EDNRA: variants seen among roughly 807,000 people sequenced by gnomAD.
The protein encoded by EDNRA is endothelin-1 receptor.
A neutral mutation model predicts 41.4 loss-of-function variants in EDNRA; 11 were observed. That is an observed-to-expected ratio of 0.27 (90% CI 0.17 to 0.44). The LOEUF (loss-of-function observed/expected upper bound fraction) is 0.44, where lower values mean the gene tolerates loss of function less well. Ranked by LOEUF, EDNRA falls within the 20% of genes least tolerant of loss-of-function variation. The pLI is 1.00. For missense variants in EDNRA, 294 were observed against 531.0 expected (o/e 0.55, Z 4.39); for synonymous variants, 172 against 183.0 (o/e 0.94, Z 0.49).
intron 3 of EDNRA, among the ~76,000 whole-genome samples, chr4:147,528,538 G>A (rs1485679702): frequency 6.6e-6 from 1 of 151,820 alleles, no homozygotes; most frequent in Non-Finnish European, 1.5e-5. Flanking sequence ...TTTTTGTAGA[G>A]ATGGAATTTC....
chr4:147,500,515 C>T (rs919935546), intron 2 of EDNRA, among the ~76,000 whole-genome samples: 2 of 152,064 alleles, frequency 1.3e-5, no homozygotes, highest in Admixed American at 6.6e-5. Context: ...CCCATAAGTT[C>T]GAGACTAGCC....
chr4:147,522,063 A>G (rs1445472169), intron 3 of EDNRA, among the ~76,000 whole-genome samples: 1 of 152,234 alleles, frequency 6.6e-6, no homozygotes, highest in Non-Finnish European at 1.5e-5. Flanking sequence ...TATTAATAAT[A>G]TAGGCTGAAA....
At chr4:147,498,756 GA>G (rs1157915699) in intron 2 of EDNRA, among the ~76,000 whole-genome samples, 1 of 152,102 alleles carries the variant, frequency 6.6e-6, no homozygotes, top group African/African-American at 2.4e-5. Context: ...TCAGAAATGT[GA>G]ATAAGGCTTC....
chr4:147,530,118 C>A (rs563644970), intron 3 of EDNRA, among the ~76,000 whole-genome samples: 1 of 152,312 alleles, frequency 6.6e-6, no homozygotes, highest in South Asian at 2.1e-4. Flanking sequence ...GGTCTGTGAA[C>A]ATGTTCATCA....
chr4:147,490,011 C>T (rs144363663), intron 2 of EDNRA: 2 of 152,284 alleles, frequency 1.3e-5, no homozygotes, highest in East Asian at 3.9e-4. Flanking sequence ...TGAATGTAGT[C>T]ACCGAATTGC....
intron 2 of EDNRA, among the ~76,000 whole-genome samples, chr4:147,510,395 T>C (rs1238124963): frequency 1.3e-5 from 2 of 152,200 alleles, no homozygotes; most frequent in Non-Finnish European, 2.9e-5. Context: ...AGACTAGAAG[T>C]AAAACTAGGT....
At chr4:147,542,349 A>T in intron 7 of EDNRA, 129 bp from the exon 8 acceptor site, 2 of 1,262,034 alleles carry the variant, frequency 1.6e-6, no homozygotes, top group Non-Finnish European at 2.2e-6. Flanking sequence ...ACTCTAGGTT[A>T]CTGTCAAGGT....
rs964931121 is a variant in EDNRA at position 147,519,447 on chromosome 4, T to C, written c.421-404T>C. ...AGCTGTCTCCCAAAATCCCAAACTT[T>C]TACTACTGTTTGAAAAGTAGGCAGC... is the stretch of plus-strand genomic sequence containing the variant. On this transcript the variant is annotated intron_variant, in intron 2 of 7. Transcript: ENST00000651419. The surrounding 1 kb of genome is among the most constrained non-coding windows in gnomAD (Gnocchi z 4.1). 2.0e-5 allele frequency among the ~76,000 whole-genome samples: 3 copies of C among 151,972 alleles called. No homozygotes were observed. Among genetic ancestry groups the C allele is most frequent in the Non-Finnish European group, 4.4e-5 (3 of 67,976 alleles).
At chr4:147,499,550 C>T (rs1729436015) in intron 2 of EDNRA, among the ~76,000 whole-genome samples, 1 of 152,114 alleles carries the variant, frequency 6.6e-6, no homozygotes. Flanking sequence ...CATGAGAGGT[C>T]TTGGCAACCA....
chr4:147,540,491 A>G lies in EDNRA; in HGVS notation c.1143+6A>G. On this transcript the variant is annotated splice_donor_region_variant and intron_variant, in intron 7 of 7. Coordinates refer to ENST00000651419, the MANE Select transcript of EDNRA (RefSeq NM_001957.4). ...AATTTAAAAATTGTTTCCAGGTAAG[A>G]TGATTTTTCAAGTATTTTTTAAAGA... The G allele has an allele frequency of 1.3e-6, 2 of 1,590,054 alleles. No individual in the cohort carries two copies. Among genetic ancestry groups the G allele is most frequent in the Non-Finnish European group, 1.7e-6 (2 of 1,162,832 alleles).
Position 147,529,288 on chromosome 4 carries a change from G to T in EDNRA, c.549-3218G>T, listed in dbSNP as rs952254659. Among the ~76,000 whole-genome samples the T allele has an allele frequency of 3.3e-5, 5 of 152,242 alleles. No individual in the cohort carries two copies. The East Asian group carries it at 9.7e-4, about 29-fold the overall frequency. ...CCTGTTAGGTGTCCTAGTGGAGCTC[G>T]CAAGTAGGCAGTTGGAGGTACAAGT... On this transcript the variant is annotated intron_variant, in intron 3 of 7. Transcript: ENST00000651419.
At chr4:147,530,742 T>C (rs535334720) in intron 3 of EDNRA, among the ~76,000 whole-genome samples, 50 of 152,162 alleles carry the variant, frequency 3.3e-4, no homozygotes, top group Non-Finnish European at 6.3e-4. Flanking sequence ...ACTGAGACAG[T>C]ACACTAAATA....
At chr4:147,540,168 G>A (rs887394112) in intron 6 of EDNRA, among the ~76,000 whole-genome samples, 6 of 152,096 alleles carry the variant, frequency 3.9e-5, no homozygotes, top group African/African-American at 1.4e-4. Flanking sequence ...TGTGCATAAG[G>A]GTTTGAGCTA....
intron 3 of EDNRA, among the ~76,000 whole-genome samples, chr4:147,525,733 G>T (rs1316935760): frequency 2.0e-5 from 3 of 152,098 alleles, no homozygotes; most frequent in African/African-American, 7.2e-5. Context: ...CTTGTTAAAA[G>T]TTGCCTGGGG....
At chr4:147,525,980 T>G (rs1730527512) in intron 3 of EDNRA, among the ~76,000 whole-genome samples, 1 of 152,194 alleles carries the variant, frequency 6.6e-6, no homozygotes, top group African/African-American at 2.4e-5. Flanking sequence ...AAAACCTCTT[T>G]GTTAGAGTTG....
At chr4:147,505,216 AG>A (rs1187489834) in intron 2 of EDNRA, among the ~76,000 whole-genome samples, 2,668 of 106,622 alleles carry the variant, frequency 0.025, 86 homozygotes, top group African/African-American at 0.084. Context: ...AAAAAAAAAA[AG>A]AGAGAGAGAG....
At chr4:147,485,275 G>A (rs941428263) in intron 1 of EDNRA, among the ~76,000 whole-genome samples, 2 of 151,766 alleles carry the variant, frequency 1.3e-5, no homozygotes, top group African/African-American at 4.8e-5. Flanking sequence ...CAAAGCTAGA[G>A]AGATAGGGAG....
chr4:147,506,400 A>G (rs944788374), intron 2 of EDNRA: 3 of 403,986 alleles, frequency 7.4e-6, no homozygotes, highest in Non-Finnish European at 1.5e-5. Flanking sequence ...AAAGTACATG[A>G]GATTAAAAAG....
intron 2 of EDNRA, among the ~76,000 whole-genome samples, chr4:147,496,896 C>T (rs1281556205): frequency 6.6e-6 from 1 of 152,102 alleles, no homozygotes; most frequent in African/African-American, 2.4e-5. Flanking sequence ...TGTGGACATT[C>T]TCCTATGCAT....
Sources: allele counts gnomAD v4.1 joint callset (sites outside exome capture counted in the v4.1 genomes callset), GRCh38; gene constraint gnomAD v4.1.1; non-coding constraint Gnocchi (gnomAD v3.1); transcripts MANE v1.5; gene names NCBI Gene and HGNC (gene_info 2026-07-23, HGNC 2026-07-21).